The following XPO7 variants were observed in gnomAD, a reference collection of about 807,000 sequenced individuals.
The protein encoded by XPO7 is exportin-7.
Under a neutral mutation model 144.3 loss-of-function variants are expected in XPO7, and 21 were observed. The observed-to-expected ratio is 0.15, with a 90% CI of 0.10 to 0.21. The LOEUF is 0.21. XPO7 is among the 10% of genes least tolerant of loss of function. The probability of loss-of-function intolerance (pLI) is 1.00; values close to 1 mark genes in which losing one functional copy is unlikely to be tolerated. For synonymous variants in XPO7, 580 were observed against 499.6 expected (o/e 1.16, Z -2.15); for missense variants, 808 against 1,325.8 (o/e 0.61, Z 6.06).
intron 21 of XPO7, among the ~76,000 whole-genome samples, chr8:21,998,040 C>T (rs909067678): frequency 3.9e-5 from 6 of 152,208 alleles, no homozygotes; most frequent in African/African-American, 7.2e-5. Flanking sequence ...AAAATGGTAA[C>T]AATGCTTTGG....
At chr8:21,942,424 G>A (rs1297629436) in intron 1 of XPO7, among the ~76,000 whole-genome samples, 3 of 152,148 alleles carry the variant, frequency 2.0e-5, no homozygotes, top group East Asian at 3.9e-4. Flanking sequence ...TCAAGCCAAA[G>A]CACAAAATTT....
intron 21 of XPO7, among the ~76,000 whole-genome samples, chr8:21,996,687 G>A (rs1211784948): frequency 6.6e-6 from 1 of 152,180 alleles, no homozygotes; most frequent in African/African-American, 2.4e-5. Flanking sequence ...TTTAAGGACA[G>A]TGAAAAAGAA....
chr8:21,992,929 T>G (rs1812817190), intron 19 of XPO7, among the ~76,000 whole-genome samples: 1 of 152,236 alleles, frequency 6.6e-6, no homozygotes, highest in Admixed American at 6.5e-5. Context: ...AACTACCAGC[T>G]AGCCAGGGTA....
chr8:22,002,082 C>T (rs778656747), intron 24 of XPO7, 30 bp from the exon 25 acceptor site: 2 of 1,584,892 alleles, frequency 1.3e-6, no homozygotes, highest in Non-Finnish European at 1.7e-6. Context: ...ATCAGCAGCT[C>T]TGTCCTACCC....
intron 10 of XPO7, 143 bp from the exon 11 acceptor site, chr8:21,982,497 T>A: frequency 2.3e-6 from 2 of 870,392 alleles, no homozygotes; most frequent in African/African-American, 3.4e-5. Context: ...TTAAACTAGA[T>A]GCCATACACA....
At chr8:21,984,880 G>T in intron 12 of XPO7, 41 bp downstream of exon 12, 1 of 1,602,754 alleles carries the variant, frequency 6.2e-7, no homozygotes, top group South Asian at 1.1e-5. Context: ...CCTGTGAGGA[G>T]ATGTTGTCTA....
chr8:22,003,011 T>G, intron 25 of XPO7: 1 of 397,406 alleles, frequency 2.5e-6, no homozygotes, highest in Non-Finnish European at 4.5e-6. Flanking sequence ...TCAAACCAAT[T>G]TTAAGAACAA....
chr8:21,964,561 T>G lies in XPO7; in HGVS notation c.19-2296T>G, dbSNP rs1811822672. On this transcript the variant is annotated intron_variant, in intron 1 of 27. Coordinates refer to ENST00000252512, the MANE Select transcript of XPO7 (RefSeq NM_015024.5). ...AAAATGACCCTGTTTTTCAGATGTT[T>G]CCACTAATTGTTTAGGAAAACAAAA... Among the ~76,000 whole-genome samples the G allele has an allele frequency of 2.6e-5, 4 of 152,146 alleles. No individual in the cohort carries two copies. In the South Asian group the frequency reaches 8.3e-4, roughly 32 times the overall value.
chr8:21,929,388 A>C (rs1281482083), intron 1 of XPO7, among the ~76,000 whole-genome samples: 1 of 152,218 alleles, frequency 6.6e-6, no homozygotes, highest in Non-Finnish European at 1.5e-5. Flanking sequence ...CTCTTGGCCA[A>C]GTGATGAGAG....
chr8:21,924,790 T>C (rs971526248), intron 1 of XPO7, among the ~76,000 whole-genome samples: 6 of 152,242 alleles, frequency 3.9e-5, no homozygotes, highest in Admixed American at 6.5e-5. Flanking sequence ...TCTTTTGACT[T>C]ATTTGAAAAG....
chr8:21,950,631 A>G (rs1263287595), intron 1 of XPO7, among the ~76,000 whole-genome samples: 4 of 152,178 alleles, frequency 2.6e-5, no homozygotes, highest in Non-Finnish European at 4.4e-5. Context: ...AAATTGATGT[A>G]TCTTGCAACA....
At chr8:21,987,921 A>T (rs896094020) in intron 15 of XPO7, 64 bp downstream of exon 15, 3 of 1,529,426 alleles carry the variant, frequency 2.0e-6, no homozygotes, top group South Asian at 1.2e-5. Context: ...GTAAAATGTG[A>T]TCTTGGCATT....
chr8:21,936,394 C>T (rs1270361372), intron 1 of XPO7, among the ~76,000 whole-genome samples: 1 of 152,104 alleles, frequency 6.6e-6, no homozygotes, highest in African/African-American at 2.4e-5. Flanking sequence ...GCCCAGTATC[C>T]ATGTCACTAG....
chr8:21,957,552 G>T (rs1195949150), intron 1 of XPO7, among the ~76,000 whole-genome samples: 2 of 152,084 alleles, frequency 1.3e-5, no homozygotes, highest in African/African-American at 4.8e-5. Context: ...TATCCTTGTG[G>T]GATCCTGAGG....
In XPO7 at chr8:21,920,218, GAAACCTCGCGCTGAT is replaced by G. The variant is rs1810229314; in HGVS notation, c.18+440_18+454del. 2.6e-5 allele frequency among the ~76,000 whole-genome samples: 4 copies of G among 151,498 alleles called. No individual in the cohort carries two copies. In the South Asian group the frequency reaches 8.3e-4, roughly 31 times the overall value. On this transcript the variant is annotated intron_variant, in intron 1 of 27. Coordinates refer to ENST00000252512, the MANE Select transcript of XPO7 (RefSeq NM_015024.5). Reference sequence around the variant, plus strand: ...CCATCCCTCAGCAGATAACAAAAAGGAAACCTCGCGCTGATAAACCTCGCTCTCCGGAGTCTTTCC... The same window carrying G: ...CCATCCCTCAGCAGATAACAAAAAGGAAACCTCGCTCTCCGGAGTCTTTCC...
chr8:21,941,563 G>C (rs1810995890), intron 1 of XPO7, among the ~76,000 whole-genome samples: 1 of 152,156 alleles, frequency 6.6e-6, no homozygotes, highest in Admixed American at 6.5e-5. Context: ...GAAAAACAGT[G>C]TATACATGTT....
chr8:21,963,473 ATCATGAGG>A (rs2117316853), intron 1 of XPO7, among the ~76,000 whole-genome samples: 1 of 152,290 alleles, frequency 6.6e-6, no homozygotes, highest in African/African-American at 2.4e-5. Context: ...AGCCAGGCAA[ATCATGAGG>A]TCAGGAGTTC....
chr8:21,980,697 C>T (rs1471241662), intron 9 of XPO7, among the ~76,000 whole-genome samples: 1 of 151,850 alleles, frequency 6.6e-6, no homozygotes, highest in Non-Finnish European at 1.5e-5. Context: ...ATCGCTTGAA[C>T]CCGGGAGGCA....
intron 12 of XPO7, 116 bp downstream of exon 12, chr8:21,984,955 T>C (rs1297573190): frequency 9.4e-7 from 1 of 1,068,262 alleles, no homozygotes; most frequent in African/African-American, 1.6e-5. Context: ...CATCATCTGT[T>C]GTCTCCATAT....
Sources: gnomAD v4.1 joint callset for allele counts (sites outside exome capture counted in the v4.1 genomes callset) on GRCh38, gnomAD v4.1.1 for gene constraint, MANE v1.5 for transcripts, NCBI Gene and HGNC (gene_info 2026-07-23, HGNC 2026-07-21) for gene names.